Variants in BCAR3 observed in about 807,000 individuals in gnomAD.
The protein encoded by BCAR3 is BCAR3 adaptor protein, NSP family member.
A neutral mutation model predicts 80.1 loss-of-function variants in BCAR3; 37 were observed. The observed-to-expected ratio is 0.46, with a 90% confidence interval of 0.36 to 0.61. BCAR3 has a LOEUF of 0.61. BCAR3 is among the 20% of genes least tolerant of loss of function. The probability of loss-of-function intolerance (pLI) is 0.00; values close to 1 mark genes in which losing one functional copy is unlikely to be tolerated. For missense variants in BCAR3, 978 were observed against 1,068.2 expected, an observed-to-expected ratio of 0.92 and a Z score of 1.18; for synonymous variants, 389 against 418.9, an observed-to-expected ratio of 0.93 and a Z score of 0.87.
At chr1:93,822,847 CACTG>C (rs1419866371) in intron 2 of BCAR3, among the ~76,000 whole-genome samples, 1 of 79,292 alleles carries the variant, frequency 1.3e-5, no homozygotes, top group African/African-American at 3.2e-5. Context: ...ACTCTTGACT[CACTG>C]ACTAATAGAG....
intron 2 of BCAR3, among the ~76,000 whole-genome samples, chr1:93,798,823 G>A (rs12128463): frequency 0.14 from 21,505 of 152,058 alleles, 2,477 homozygotes; most frequent in African/African-American, 0.31. Context: ...TTCTGACTGG[G>A]CATCAAAAGC....
intron 3 of BCAR3, among the ~76,000 whole-genome samples, chr1:93,691,525 C>A (rs1325355988): frequency 6.6e-6 from 1 of 152,228 alleles, no homozygotes; most frequent in Non-Finnish European, 1.5e-5. Flanking sequence ...CTGCAAGAGA[C>A]AGGCGGCCTT....
intron 2 of BCAR3, among the ~76,000 whole-genome samples, chr1:93,843,592 T>C (rs1655039990): frequency 6.6e-6 from 1 of 152,186 alleles, no homozygotes; most frequent in African/African-American, 2.4e-5. Flanking sequence ...AGTTTTTGTT[T>C]GTTTGTTTTT....
Position 93,729,615 on chromosome 1 carries a change from G to A in BCAR3, c.-62-23473C>T, listed in dbSNP as rs906255032. On this transcript the variant is annotated intron_variant, in intron 2 of 13. Transcript: ENST00000370244. ...AACCCACCCCACCGGAAGCCCTGAC[G>A]CTGGGATGGCTTCTCAGAGTTGTCT... Among the ~76,000 whole-genome samples the A allele has an allele frequency of 5.9e-5, 9 of 152,192 alleles. 1 individual carries two copies. Among genetic ancestry groups the A allele is most frequent in the South Asian group, 4.1e-4 (2 of 4,828 alleles).
intron 2 of BCAR3, among the ~76,000 whole-genome samples, chr1:93,829,750 T>C (rs756914028): frequency 7.2e-5 from 11 of 152,202 alleles, no homozygotes; most frequent in Non-Finnish European, 1.6e-4. Context: ...TGAGAAAAGG[T>C]ACCACACATT....
intron 2 of BCAR3, among the ~76,000 whole-genome samples, chr1:93,780,065 A>G (rs574717080): frequency 6.6e-6 from 1 of 152,152 alleles, no homozygotes; most frequent in Admixed American, 6.5e-5. Context: ...TCCCACCCTC[A>G]GGGCCTGCTT....
chr1:93,666,038 A>G (rs1480692764), intron 2 of BCAR3, among the ~76,000 whole-genome samples: 2 of 152,152 alleles, frequency 1.3e-5, no homozygotes, highest in African/African-American at 4.8e-5. Flanking sequence ...TGCTCCCTGT[A>G]CTTTTACAAC....
Position 93,575,054 on chromosome 1 carries a change from C to A in BCAR3, c.1802+960G>T, listed in dbSNP as rs77742912. 9.9e-3 allele frequency among the ~76,000 whole-genome samples: 1,505 copies of A among 152,180 alleles called. 23 individuals are homozygous for A. The highest frequency in any genetic ancestry group is 0.035 in the African/African-American group (1,434 of 41,512). On this transcript the variant is annotated intron_variant, in intron 8 of 11. Coordinates refer to ENST00000260502, the MANE Select transcript of BCAR3 (RefSeq NM_003567.4). ...GCGACATCCATCCCCCGAGAAGTGG[C>A]TTTTTACCGTGAAAACAGCAAATTC...
chr1:93,743,389 G>A (rs927023155), intron 2 of BCAR3, among the ~76,000 whole-genome samples: 5 of 152,208 alleles, frequency 3.3e-5, no homozygotes, highest in African/African-American at 1.2e-4. Context: ...CAGTGGGCTA[G>A]TAATACAGGC....
At chr1:93,621,939 T>A (rs1675328607) in intron 3 of BCAR3, among the ~76,000 whole-genome samples, 1 of 152,220 alleles carries the variant, frequency 6.6e-6, no homozygotes. Context: ...TGGCGCAATC[T>A]CAGCTCACTG....
At chr1:93,575,546 A>G (rs1023817133) in intron 8 of BCAR3, among the ~76,000 whole-genome samples, 12 of 152,200 alleles carry the variant, frequency 7.9e-5, no homozygotes, top group African/African-American at 2.9e-4. Context: ...CCACCCCTCA[A>G]AGAAAACACT....
intron 3 of BCAR3, among the ~76,000 whole-genome samples, chr1:93,698,726 C>T (rs1014131340): frequency 6.6e-6 from 1 of 152,228 alleles, no homozygotes; most frequent in African/African-American, 2.4e-5. Context: ...TAGCATCAAC[C>T]TTCGCTGCTA....
chr1:93,809,835 T>TCCCAAAC (rs1653771616), intron 2 of BCAR3, among the ~76,000 whole-genome samples: 2 of 148,142 alleles, frequency 1.4e-5, no homozygotes, highest in South Asian at 4.2e-4. Flanking sequence ...CGAGGAATTC[T>TCCCAAAC]CCCAAACATT....
chr1:93,709,447 C>T (rs1241394428), intron 2 of BCAR3, among the ~76,000 whole-genome samples: 1 of 152,378 alleles, frequency 6.6e-6, no homozygotes, highest in East Asian at 1.9e-4. Context: ...TGACAACACA[C>T]TCTGTCTTCA....
chr1:93,835,177 C>T (rs975494899), intron 2 of BCAR3, among the ~76,000 whole-genome samples: 3 of 152,158 alleles, frequency 2.0e-5, no homozygotes, highest in Non-Finnish European at 4.4e-5. Context: ...ATGTCCTACA[C>T]CACTATGCTG....
At chr1:93,768,097 G>A (rs1165679392) in intron 2 of BCAR3, among the ~76,000 whole-genome samples, 2 of 152,170 alleles carry the variant, frequency 1.3e-5, no homozygotes, top group South Asian at 4.1e-4. Flanking sequence ...GTGACGTGCT[G>A]GGACTACATG....
At chr1:93,568,188 A>G (rs1673040859) in intron 9 of BCAR3, 1 of 158,816 alleles carries the variant, frequency 6.3e-6, no homozygotes, top group South Asian at 1.9e-4. Flanking sequence ...CCTGTCTCAA[A>G]AAAAAAAAAA....
intron 2 of BCAR3, among the ~76,000 whole-genome samples, chr1:93,805,898 G>A (rs1254225039): frequency 6.6e-6 from 1 of 151,958 alleles, no homozygotes; most frequent in Non-Finnish European, 1.5e-5. Context: ...AACAAGAAGA[G>A]GATGTTATGA....
intron 2 of BCAR3, among the ~76,000 whole-genome samples, chr1:93,833,493 G>C (rs1225509588): frequency 1.3e-5 from 2 of 152,194 alleles, no homozygotes; most frequent in East Asian, 1.9e-4. Flanking sequence ...CGCTGCAGGA[G>C]ACCAGGGTGT....
Sources: gnomAD v4.1 joint callset for allele counts (sites outside exome capture counted in the v4.1 genomes callset) on GRCh38, gnomAD v4.1.1 for gene constraint, MANE v1.5 for transcripts, NCBI Gene and HGNC (gene_info 2026-07-23, HGNC 2026-07-21) for gene names.